The following RALYL variants were observed in gnomAD, a reference collection of about 807,000 sequenced individuals.
RALYL encodes the protein RNA-binding Raly-like protein.
A neutral mutation model predicts 35.1 loss-of-function variants in RALYL; 29 were observed. The ratio of observed to expected loss-of-function variants is 0.83; its 90% CI spans 0.61 to 1.13. The LOEUF is 1.13. Ranked by LOEUF, RALYL falls within the 50% of genes most tolerant of loss-of-function variation. The pLI is 0.00. For missense variants in RALYL, 359 were observed against 360.4 expected (o/e 1.00, Z 0.03); for synonymous variants, 120 against 127.6 (o/e 0.94, Z 0.40).
At chr8:84,814,295 A>G (rs1481937327) in intron 4 of RALYL, among the ~76,000 whole-genome samples, 5 of 152,212 alleles carry the variant, frequency 3.3e-5, no homozygotes, top group Admixed American at 2.6e-4. Flanking sequence ...GAGTTACATT[A>G]TAAAAAGCAA....
chr8:84,426,027 T>A (rs1023106170), intron 1 of RALYL, among the ~76,000 whole-genome samples: 6 of 152,170 alleles, frequency 3.9e-5, no homozygotes, highest in Non-Finnish European at 8.8e-5. Flanking sequence ...AAAATCTCTC[T>A]CATATCTCCT....
chr8:84,575,096 CA>C (rs1426328541), intron 2 of RALYL, among the ~76,000 whole-genome samples: 3 of 152,112 alleles, frequency 2.0e-5, no homozygotes, highest in African/African-American at 7.2e-5. Flanking sequence ...TTTATAATTA[CA>C]GCATTACATT....
intron 2 of RALYL, among the ~76,000 whole-genome samples, chr8:84,670,987 T>C (rs778946699): frequency 5.9e-5 from 9 of 152,184 alleles, no homozygotes; most frequent in Non-Finnish European, 8.8e-5. Context: ...CCCTTCTGTT[T>C]AGAGCCTGTA....
intron 4 of RALYL, among the ~76,000 whole-genome samples, chr8:84,840,802 G>C (rs1012971692): frequency 2.0e-5 from 3 of 152,144 alleles, no homozygotes; most frequent in African/African-American, 4.8e-5. Flanking sequence ...AAGAGAGTGG[G>C]GGCCAATATT....
At chr8:84,462,771 C>T (rs1489475134) in intron 1 of RALYL, among the ~76,000 whole-genome samples, 2 of 151,672 alleles carry the variant, frequency 1.3e-5, no homozygotes, top group Non-Finnish European at 3.0e-5. Context: ...TTCCTCCAAA[C>T]TATCCCACAC....
chr8:84,810,908 G>A (rs1825752827), intron 4 of RALYL, among the ~76,000 whole-genome samples: 1 of 152,068 alleles, frequency 6.6e-6, no homozygotes, highest in South Asian at 2.1e-4. Context: ...TCTCCTGAAG[G>A]CAGCAGAGAG....
At chr8:84,803,291 C>T (rs993268800) in intron 3 of RALYL, among the ~76,000 whole-genome samples, 1 of 152,188 alleles carries the variant, frequency 6.6e-6, no homozygotes, top group Non-Finnish European at 1.5e-5. Flanking sequence ...AATATGTGAA[C>T]AATCTCCTGC....
chr8:84,351,633 T>G (rs1219340148), intron 1 of RALYL, among the ~76,000 whole-genome samples: 1 of 149,872 alleles, frequency 6.7e-6, no homozygotes, highest in African/African-American at 2.5e-5. Context: ...TTCGATTTTT[T>G]TTCTCTTGGC....
At chr8:84,702,083 G>A (rs1031220480) in intron 2 of RALYL, among the ~76,000 whole-genome samples, 12 of 152,030 alleles carry the variant, frequency 7.9e-5, no homozygotes, top group African/African-American at 2.4e-4. Context: ...ATAACAATAC[G>A]TACATCATAG....
intron 1 of RALYL, among the ~76,000 whole-genome samples, chr8:84,264,720 A>C (rs1467951507): frequency 6.6e-6 from 1 of 152,158 alleles, no homozygotes; most frequent in Admixed American, 6.5e-5. Flanking sequence ...CTAACATTTT[A>C]ATTGAGGAGA....
intron 2 of RALYL, among the ~76,000 whole-genome samples, chr8:84,646,755 C>T (rs1179680472): frequency 2.0e-5 from 3 of 151,974 alleles, no homozygotes. Context: ...CAACTTCATA[C>T]ATCTGACTTC....
intron 1 of RALYL, among the ~76,000 whole-genome samples, chr8:84,494,925 C>G (rs2055826837): frequency 1.3e-5 from 2 of 152,084 alleles, no homozygotes; most frequent in African/African-American, 4.8e-5. Flanking sequence ...CCAGAACTTT[C>G]AATACTATGT....
chr8:84,699,023 T>A (rs939753111), intron 2 of RALYL, among the ~76,000 whole-genome samples: 1 of 151,336 alleles, frequency 6.6e-6, no homozygotes, highest in Non-Finnish European at 1.5e-5. Flanking sequence ...GATAGATAGA[T>A]AGATAGATAG....
chr8:84,278,237 C>T (rs1835807229), intron 1 of RALYL, among the ~76,000 whole-genome samples: 3 of 152,238 alleles, frequency 2.0e-5, no homozygotes, highest in African/African-American at 4.8e-5. Context: ...GGGGCTTGCA[C>T]CCTCTGAGCA....
chr8:84,812,385 C>T (rs1056841618), intron 4 of RALYL, among the ~76,000 whole-genome samples: 4 of 152,112 alleles, frequency 2.6e-5, no homozygotes, highest in African/African-American at 9.7e-5. Context: ...TGGTTTAATG[C>T]TCTATTTTTG....
At chr8:84,244,081 G>C (rs936263387) in intron 1 of RALYL, among the ~76,000 whole-genome samples, 1 of 152,032 alleles carries the variant, frequency 6.6e-6, no homozygotes, top group African/African-American at 2.4e-5. Context: ...GCAGGGGCAG[G>C]AGATTAATCA....
intron 1 of RALYL, among the ~76,000 whole-genome samples, chr8:84,485,907 C>G (rs1169849471): frequency 6.6e-6 from 1 of 151,974 alleles, no homozygotes; most frequent in Non-Finnish European, 1.5e-5. Flanking sequence ...CTGTTGTTCT[C>G]CCACAATTCA....
intron 1 of RALYL, among the ~76,000 whole-genome samples, chr8:84,287,553 A>C (rs573271412): frequency 1.3e-5 from 2 of 152,258 alleles, no homozygotes; most frequent in South Asian, 4.1e-4. Flanking sequence ...GAATCGAAAG[A>C]GGAGAGTGTA....
At chr8:84,905,044 T>G (rs1458809113) in intron 8 of RALYL, among the ~76,000 whole-genome samples, 1 of 152,134 alleles carries the variant, frequency 6.6e-6, no homozygotes. Context: ...TCTCTAGAAT[T>G]TATTCATCTT....
Sources: gnomAD v4.1 joint callset for allele counts (sites outside exome capture counted in the v4.1 genomes callset) on GRCh38, gnomAD v4.1.1 for gene constraint, MANE v1.5 for transcripts, NCBI Gene and HGNC (gene_info 2026-07-23, HGNC 2026-07-21) for gene names.